Variants in UHRF1 observed in about 807,000 individuals in gnomAD.
UHRF1 encodes the protein ubiquitin like with PHD and ring finger domains 1.
UHRF1 carries 9 observed loss-of-function variants against 96.5 expected under a neutral mutation model. The ratio of observed to expected loss-of-function variants is 0.09; its 90% CI spans 0.06 to 0.16. The LOEUF is 0.16. UHRF1 is among the 10% of genes least tolerant of loss of function. The probability of loss-of-function intolerance (pLI) is 1.00; values close to 1 mark genes in which losing one functional copy is unlikely to be tolerated. For missense variants in UHRF1, 626 were observed against 1,131.1 expected, an observed-to-expected ratio of 0.55 and a Z score of 6.40; for synonymous variants, 455 against 469.9, an observed-to-expected ratio of 0.97 and a Z score of 0.41.
At position 4,923,538 on chromosome 19, in the gene UHRF1, CCTCTCCCG is replaced by C. The variant is rs542732234; in HGVS notation, c.154-5681_154-5674del. 3.4e-3 allele frequency among the ~76,000 whole-genome samples: 525 copies of C among 152,312 alleles called. 2 individuals are homozygous for C. The highest frequency in any genetic ancestry group is 0.013 in the African/African-American group (520 of 41,568). Reference sequence around the variant, plus strand: ...GAGCCATGAGCGCGGCCTGTGTGCCCCTCTCCCGCTGGCTGGAGCTCAGGATGCTCACG... The same window carrying C: ...GAGCCATGAGCGCGGCCTGTGTGCCCCTGGCTGGAGCTCAGGATGCTCACG... On this transcript the variant is annotated intron_variant, in intron 2 of 16. Transcript: ENST00000650932.
chr19:4,927,498 C>T (rs2032911179), intron 2 of UHRF1, among the ~76,000 whole-genome samples: 1 of 152,108 alleles, frequency 6.6e-6, no homozygotes, highest in Non-Finnish European at 1.5e-5. Context: ...TTGGCCTTCA[C>T]TGTGACCCCC....
chr19:4,943,536 A>T (rs953480269), intron 7 of UHRF1, among the ~76,000 whole-genome samples: 3 of 139,080 alleles, frequency 2.2e-5, no homozygotes, highest in African/African-American at 7.8e-5. Flanking sequence ...AACTGAGTCC[A>T]CGGCAGTGAG....
chr19:4,951,032 C>G, intron 13 of UHRF1, 36 bp downstream of exon 13: 1 of 1,553,250 alleles, frequency 6.4e-7, no homozygotes, highest in South Asian at 1.2e-5. Flanking sequence ...TTTGGGAGGC[C>G]AAGGCGGATG....
intron 10 of UHRF1, among the ~76,000 whole-genome samples, chr19:4,946,351 G>A (rs1568427214): frequency 3.3e-5 from 5 of 152,062 alleles, no homozygotes; most frequent in South Asian, 4.1e-4. Flanking sequence ...GCATGTGTCC[G>A]GATTCCCCTT....
chr19:4,904,079 C>A (rs553031861), intron 1 of UHRF1, among the ~76,000 whole-genome samples: 1 of 152,010 alleles, frequency 6.6e-6, no homozygotes, highest in Non-Finnish European at 1.5e-5. Context: ...TGGGTTCAAG[C>A]GATTCTCCTG....
chr19:4,903,104 G>T (rs2031981158), exon 1 of UHRF1: 1 of 409,708 alleles, frequency 2.4e-6, no homozygotes, highest in Non-Finnish European at 4.6e-6. Flanking sequence ...TTGGCTCACT[G>T]CAACCTCCGC....
Position 4,947,432 on chromosome 19 carries a change from G to A in UHRF1, c.1517+221G>A, listed in dbSNP as rs560964130. On this transcript the variant is annotated intron_variant, in intron 11 of 16. Coordinates refer to ENST00000650932, the MANE Select transcript of UHRF1 (RefSeq NM_001048201.3). ...TCCTCCCGTATGTGTGCCACATACC[G>A]TGAGCCATTCAGATGGATGAAAGCA... Among the ~76,000 whole-genome samples, 14 of 146,388 alleles carry A rather than the reference G, an allele frequency of 9.6e-5. No homozygotes were observed. In the South Asian group the frequency reaches 2.4e-3, roughly 26 times the overall value.
At chr19:4,951,622 G>C (rs918110503) in intron 13 of UHRF1, among the ~76,000 whole-genome samples, 2 of 148,156 alleles carry the variant, frequency 1.3e-5, no homozygotes, top group African/African-American at 5.0e-5. Context: ...GCTTGTCTTC[G>C]TTCTGTTGGT....
chr19:4,958,182 T>A (rs2033906213), intron 16 of UHRF1, among the ~76,000 whole-genome samples: 1 of 152,186 alleles, frequency 6.6e-6, no homozygotes, highest in African/African-American at 2.4e-5. Flanking sequence ...TGTGTGGGCC[T>A]CCCTGAGTGC....
chr19:4,946,451 C>T (rs1039315961), intron 10 of UHRF1, among the ~76,000 whole-genome samples: 4 of 152,122 alleles, frequency 2.6e-5, no homozygotes, highest in South Asian at 2.1e-4. Flanking sequence ...CTTCCCCTTT[C>T]GACTGCTGTG....
intron 9 of UHRF1, among the ~76,000 whole-genome samples, chr19:4,945,323 G>A (rs1410834777): frequency 1.3e-5 from 2 of 152,072 alleles, no homozygotes; most frequent in African/African-American, 4.8e-5. Flanking sequence ...CAGTGGTGCG[G>A]TCTTGGCTCA....
chr19:4,925,843 G>A (rs1599256784), intron 2 of UHRF1, among the ~76,000 whole-genome samples: 1 of 79,864 alleles, frequency 1.3e-5, no homozygotes, highest in Non-Finnish European at 3.0e-5. Context: ...TTGACACATG[G>A]ATGGATGGCC....
At chr19:4,950,052 G>A (rs928434908) in intron 11 of UHRF1, among the ~76,000 whole-genome samples, 3 of 91,760 alleles carry the variant, frequency 3.3e-5, no homozygotes, top group African/African-American at 1.2e-4. Context: ...TTTTTTTTTT[G>A]TGGAGATGGG....
chr19:4,914,689 CAA>C (rs946687858), intron 2 of UHRF1, among the ~76,000 whole-genome samples: 1 of 148,926 alleles, frequency 6.7e-6, no homozygotes. Flanking sequence ...ATCAAAATAA[CAA>C]TAGCTGTCTT....
At chr19:4,905,461 A>ATT (rs564794778), upstream of UHRF1, among the ~76,000 whole-genome samples, 2 of 145,532 alleles carry the variant, frequency 1.4e-5, no homozygotes, top group African/African-American at 5.0e-5. Context: ...TTTTTTTGCA[A>ATT]TTTTTTTTTT....
At chr19:4,929,602 C>T in intron 3 of UHRF1, 126 bp downstream of exon 3, 7 of 1,357,290 alleles carry the variant, frequency 5.2e-6, no homozygotes, top group Non-Finnish European at 5.9e-6. Context: ...GCAGAAATGG[C>T]CAAGGGGTGG....
chr19:4,956,585 G>C (rs895249681), intron 15 of UHRF1, 124 bp from the exon 16 acceptor site: 1 of 680,832 alleles, frequency 1.5e-6, no homozygotes, highest in African/African-American at 1.8e-5. Flanking sequence ...CATGGCCCCC[G>C]CCTCCTGGAG....
At chr19:4,942,649 A>G (rs1424316074) in intron 7 of UHRF1, among the ~76,000 whole-genome samples, 1 of 152,000 alleles carries the variant, frequency 6.6e-6, no homozygotes, top group Non-Finnish European at 1.5e-5. Context: ...GGGTTTCACC[A>G]TCTTGGCCAG....
At chr19:4,931,449 GTATTTTTATTTTATTT>G (rs1470048381) in intron 4 of UHRF1, among the ~76,000 whole-genome samples, 3 of 151,632 alleles carry the variant, frequency 2.0e-5, no homozygotes, top group South Asian at 4.2e-4. Context: ...GCTAATGTTT[GTATTTTTATTTTATTT>G]TATTTTTATT....
Sources: gnomAD v4.1 joint callset for allele counts (sites outside exome capture counted in the v4.1 genomes callset) on GRCh38, gnomAD v4.1.1 for gene constraint, MANE v1.5 for transcripts, NCBI Gene and HGNC (gene_info 2026-07-23, HGNC 2026-07-21) for gene names.